Variants in ERBB4 observed in about 807,000 individuals in gnomAD.
The protein encoded by ERBB4 is receptor tyrosine-protein kinase erbB-4.
In ERBB4, 42 loss-of-function variants were observed where a neutral mutation model predicts 158.0. That is an observed-to-expected ratio of 0.27 (90% CI 0.21 to 0.34). The LOEUF is 0.34. ERBB4 is among the 10% of genes least tolerant of loss of function. The probability of loss-of-function intolerance (pLI) is 1.00; values close to 1 mark genes in which losing one functional copy is unlikely to be tolerated. For missense variants in ERBB4, 1,333 were observed against 1,624.1 expected (o/e 0.82, Z 3.08); for synonymous variants, 583 against 558.7 (o/e 1.04, Z -0.61).
At chr2:211,912,531 A>G (rs536787437) in intron 3 of ERBB4, among the ~76,000 whole-genome samples, 1 of 152,288 alleles carries the variant, frequency 6.6e-6, no homozygotes, top group Non-Finnish European at 1.5e-5. Context: ...AACAAAAAAG[A>G]GAAAAAAAAC....
intron 2 of ERBB4, among the ~76,000 whole-genome samples, chr2:211,991,626 G>A (rs1216937679): frequency 6.6e-6 from 1 of 152,064 alleles, no homozygotes; most frequent in Non-Finnish European, 1.5e-5. Context: ...TAAATCCAGG[G>A]GAGAACGACT....
At chr2:212,269,747 T>C (rs1275674045) in intron 1 of ERBB4, among the ~76,000 whole-genome samples, 1 of 151,738 alleles carries the variant, frequency 6.6e-6, no homozygotes, top group Non-Finnish European at 1.5e-5. Flanking sequence ...GAATAAATAG[T>C]CATGGAAGTG....
chr2:211,882,780 G>C (rs1406094336), intron 3 of ERBB4, among the ~76,000 whole-genome samples: 2 of 152,104 alleles, frequency 1.3e-5, no homozygotes, highest in Non-Finnish European at 1.5e-5. Context: ...CTACACTGTG[G>C]TACCAGTTCT....
chr2:211,913,382 A>C (rs2079588285), intron 3 of ERBB4, among the ~76,000 whole-genome samples: 1 of 151,926 alleles, frequency 6.6e-6, no homozygotes. Context: ...GGCGGATCAC[A>C]CTGAGGTCTG....
chr2:211,861,041 T>A (rs1265854069), intron 3 of ERBB4, among the ~76,000 whole-genome samples: 1 of 25,568 alleles, frequency 3.9e-5, no homozygotes, highest in Non-Finnish European at 6.2e-5. Context: ...TATAATATAT[T>A]TATATATTTA....
At chr2:211,403,590 C>T (rs2063088251) in intron 25 of ERBB4, among the ~76,000 whole-genome samples, 1 of 152,116 alleles carries the variant, frequency 6.6e-6, no homozygotes, top group Non-Finnish European at 1.5e-5. Context: ...ACAGTCTTAT[C>T]TCCACTGCAC....
intron 2 of ERBB4, among the ~76,000 whole-genome samples, chr2:211,951,410 T>C (rs887188847): frequency 8.5e-5 from 13 of 152,150 alleles, no homozygotes; most frequent in Non-Finnish European, 1.3e-4. Context: ...GAATGTGTGA[T>C]AGGTATGAAC....
At position 211,553,406 on chromosome 2, in the gene ERBB4, A is replaced by G. The variant is rs569046773; in HGVS notation, c.2487+8497T>C. 5.9e-5 allele frequency among the ~76,000 whole-genome samples: 9 copies of G among 152,314 alleles called. No homozygotes were observed. In the South Asian group the frequency reaches 1.2e-3, roughly 21 times the overall value. On this transcript the variant is annotated intron_variant, in intron 20 of 27. Transcript: ENST00000342788. ...AGGCAAAAAATATTGAATATTAAAC[A>G]TGAGATTCCCTGCTCTCCTCAGCCT...
rs541364445 is a variant in ERBB4, at chr2:212,184,134, T to G, written c.83-59231A>C. ...ATAAAACATTTTATGCGTCACAGAG[T>G]AAGAAATGGACTGAATCAAGGGGCT... On this transcript the variant is annotated intron_variant, in intron 1 of 27. Transcript: ENST00000342788. 9.2e-5 allele frequency among the ~76,000 whole-genome samples: 14 copies of G among 152,132 alleles called. No individual in the cohort carries two copies. In the South Asian group the frequency reaches 2.5e-3, roughly 27 times the overall value.
At chr2:211,926,314 C>T (rs1368143148) in intron 3 of ERBB4, among the ~76,000 whole-genome samples, 1 of 152,146 alleles carries the variant, frequency 6.6e-6, no homozygotes, top group East Asian at 1.9e-4. Flanking sequence ...TCTGATTTGG[C>T]AAGAATTTAC....
chr2:211,392,211 A>G (rs957998297), intron 25 of ERBB4, among the ~76,000 whole-genome samples: 42 of 152,196 alleles, frequency 2.8e-4, no homozygotes, highest in Admixed American at 1.6e-3. Context: ...TGTTTATTGC[A>G]TTATGTTATA....
intron 3 of ERBB4, among the ~76,000 whole-genome samples, chr2:211,910,796 T>C (rs1377760805): frequency 1.3e-5 from 2 of 152,208 alleles, no homozygotes; most frequent in Admixed American, 1.3e-4. Flanking sequence ...TCAGACGTTA[T>C]CAGCACTAGA....
rs2106035936 is a variant in ERBB4, at chr2:211,702,017, G to A, written c.1439C>T (p.Thr480Ile). The change falls in exon 12 of 28, where the codon ACA (threonine) becomes ATA (isoleucine). Residue 480 changes from threonine (T) to isoleucine (I), a missense_variant. Transcript: ENST00000342788. The stretch of plus-strand genomic sequence containing the variant: ...CCGGATTACTATTCTCTGGTTGATT[G>A]TGCTGAAGAGTGTTGTCCAGTTAAT... Reference protein sequence around the residue: ...HTINWTTLFSTINQRIVIRDN... With the variant: ...HTINWTTLFSIINQRIVIRDN... 6.2e-7 allele frequency: 1 copy of A among 1,613,958 alleles called. No homozygotes were observed. The highest frequency in any genetic ancestry group is 8.5e-7 in the Non-Finnish European group (1 of 1,179,878).
rs1192342391 is a variant in ERBB4, at chr2:211,861,128, A to ATATATATATTTTT, written c.422-72970_422-72969insAAAAATATATATA. 7.9e-5 allele frequency among the ~76,000 whole-genome samples: 2 copies of ATATATATATTTTT among 25,470 alleles called. 1 individual carries two copies. Among genetic ancestry groups the ATATATATATTTTT allele is most frequent in the Non-Finnish European group, 1.6e-4 (2 of 12,532 alleles). 16.7% of individuals were successfully genotyped at this position (25,470 alleles called of 152,430 possible). ...ATATATATTTATATATATATTTTAT[A>ATATATATATTTTT]TATATATATATATATATATATATAT... On this transcript the variant is annotated intron_variant, in intron 3 of 27. Transcript: ENST00000342788.
chr2:212,156,136 A>G (rs1191929245), intron 1 of ERBB4, among the ~76,000 whole-genome samples: 2 of 152,146 alleles, frequency 1.3e-5, no homozygotes, highest in Non-Finnish European at 2.9e-5. Flanking sequence ...GAAAGAGTAG[A>G]AAGAGCTAAA....
At chr2:211,525,725 G>A (rs1049823686) in intron 20 of ERBB4, among the ~76,000 whole-genome samples, 8 of 152,094 alleles carry the variant, frequency 5.3e-5, no homozygotes, top group Non-Finnish European at 8.8e-5. Context: ...TGCCCCGAAG[G>A]GTGAGTCTCA....
chr2:212,305,717 TGATA>T (rs2086786647), intron 1 of ERBB4, among the ~76,000 whole-genome samples: 1 of 151,314 alleles, frequency 6.6e-6, no homozygotes, highest in African/African-American at 2.4e-5. Context: ...TGGCAACACT[TGATA>T]AAAATACATT....
intron 1 of ERBB4, among the ~76,000 whole-genome samples, chr2:212,212,934 CT>C (rs2082983868): frequency 6.6e-6 from 1 of 152,066 alleles, no homozygotes. Flanking sequence ...GGTTTAAATA[CT>C]TAAATGTAAA....
intron 19 of ERBB4, among the ~76,000 whole-genome samples, chr2:211,604,316 T>G (rs1042297967): frequency 2.8e-4 from 42 of 152,226 alleles, no homozygotes; most frequent in Non-Finnish European, 5.9e-4. Flanking sequence ...TTGTTTCCTG[T>G]TTCTTTAAAC....
Sources: gnomAD v4.1 joint callset for allele counts (sites outside exome capture counted in the v4.1 genomes callset) on GRCh38, gnomAD v4.1.1 for gene constraint, MANE v1.5 for transcripts, NCBI Gene and HGNC (gene_info 2026-07-23, HGNC 2026-07-21) for gene names.